Variants in CCSER1 observed in about 807,000 individuals in gnomAD.
CCSER1 encodes the protein coiled-coil serine rich protein 1.
In CCSER1, 41 loss-of-function variants were observed where a neutral mutation model predicts 82.0. The ratio of observed to expected loss-of-function variants is 0.50; its 90% confidence interval spans 0.39 to 0.65. CCSER1 has a LOEUF of 0.65. Among genes scored for constraint, CCSER1 ranks in the 30% least tolerant of loss-of-function variants. The pLI, the probability that CCSER1 is intolerant of heterozygous loss-of-function variation, is 0.00. For synonymous variants in CCSER1, 414 were observed against 383.9 expected (o/e 1.08, Z -0.92); for missense variants, 1,119 against 1,064.2 (o/e 1.05, Z -0.72).
chr4:90,182,234 CT>C (rs1299757291), intron 1 of CCSER1, among the ~76,000 whole-genome samples: 1 of 151,936 alleles, frequency 6.6e-6, no homozygotes, highest in Non-Finnish European at 1.5e-5. Flanking sequence ...ACTTCTTATA[CT>C]TTGGAAAATA....
intron 10 of CCSER1, among the ~76,000 whole-genome samples, chr4:91,494,979 A>G (rs988837796): frequency 1.3e-5 from 2 of 151,696 alleles, no homozygotes; most frequent in African/African-American, 4.8e-5. Context: ...AAATGCCTGT[A>G]CCACATTGCT....
At chr4:90,993,746 A>G (rs1456043656) in intron 9 of CCSER1, among the ~76,000 whole-genome samples, 1 of 152,066 alleles carries the variant, frequency 6.6e-6, no homozygotes, top group Admixed American at 6.6e-5. Flanking sequence ...TTCTGTTATG[A>G]GAACCACACC....
At chr4:90,468,701 G>A (rs1186166123) in intron 5 of CCSER1, 1 of 158,714 alleles carries the variant, frequency 6.3e-6, no homozygotes. Flanking sequence ...AATGAAATCA[G>A]TTTTTAATAT....
intron 7 of CCSER1, among the ~76,000 whole-genome samples, chr4:90,808,283 A>C (rs1757786553): frequency 6.6e-6 from 1 of 152,198 alleles, no homozygotes. Context: ...AAAACCATAA[A>C]AATTATATTA....
At chr4:90,788,872 A>G (rs1325804446) in intron 7 of CCSER1, among the ~76,000 whole-genome samples, 2 of 152,140 alleles carry the variant, frequency 1.3e-5, no homozygotes, top group African/African-American at 4.8e-5. Context: ...CTGCCTAGTT[A>G]TGTACTGAAT....
rs1764873334 is a variant in CCSER1, at chr4:91,603,245, T to C, written c.*4188T>C. The C allele has an allele frequency of 6.6e-6, 1 of 152,122 alleles. No individual in the cohort carries two copies. Among genetic ancestry groups the C allele is most frequent in the South Asian group, 2.1e-4 (1 of 4,832 alleles). The allele number at this position is 152,122 out of a possible 1,614,324, so 9.4% of individuals were successfully genotyped here. A position where few individuals can be genotyped will look rare whatever the true frequency, so the allele number is the denominator to read the frequency against. On this transcript the variant is annotated 3_prime_UTR_variant, in exon 11 of 11. Coordinates refer to ENST00000509176, the MANE Select transcript of CCSER1 (RefSeq NM_001145065.2). ...CTCTCTTCTTTAATAATATTCATCA[T>C]TGCCAAATGTTTATTTTTGAAATTT... is the stretch of plus-strand genomic sequence containing the variant.
At chr4:90,579,933 C>G (rs1309321442) in intron 5 of CCSER1, among the ~76,000 whole-genome samples, 1 of 151,740 alleles carries the variant, frequency 6.6e-6, no homozygotes, top group African/African-American at 2.4e-5. Flanking sequence ...TAGCTATTCT[C>G]TTATCTTTTT....
intron 1 of CCSER1, among the ~76,000 whole-genome samples, chr4:90,188,334 T>C (rs994598202): frequency 1.3e-5 from 2 of 151,972 alleles, no homozygotes; most frequent in Admixed American, 1.3e-4. Flanking sequence ...TGTTTTATTA[T>C]CAGTATATAT....
At chr4:90,817,014 T>C (rs1458006453) in intron 8 of CCSER1, among the ~76,000 whole-genome samples, 2 of 152,206 alleles carry the variant, frequency 1.3e-5, no homozygotes, top group East Asian at 1.9e-4. Flanking sequence ...AAGAATAGTA[T>C]CACAGACAAA....
intron 5 of CCSER1, among the ~76,000 whole-genome samples, chr4:90,603,306 A>G (rs1784252495): frequency 6.6e-6 from 1 of 152,180 alleles, no homozygotes; most frequent in South Asian, 2.1e-4. Context: ...TGGTGGCATA[A>G]AAGTGTTTAA....
intron 1 of CCSER1, among the ~76,000 whole-genome samples, chr4:90,194,914 T>C (rs6818163): frequency 0.61 from 92,830 of 151,904 alleles, 29,719 homozygotes; most frequent in East Asian, 0.83. Context: ...TTGAAGTGTA[T>C]TAAGTTCTGT....
chr4:91,039,707 ATATGAG>A (rs1741788049), intron 9 of CCSER1, among the ~76,000 whole-genome samples: 2 of 123,102 alleles, frequency 1.6e-5, no homozygotes, highest in South Asian at 5.2e-4. Flanking sequence ...ATGTGTATAT[ATATGAG>A]TATCTTTCTG....
intron 8 of CCSER1, among the ~76,000 whole-genome samples, chr4:90,877,232 G>A (rs1462920281): frequency 1.3e-5 from 2 of 152,086 alleles, no homozygotes; most frequent in Non-Finnish European, 2.9e-5. Context: ...CAAGTTTCTA[G>A]GTGCTCAGTT....
rs201766571 is a variant in CCSER1, at chr4:91,075,637, ATTC to A, written c.2173-10307_2173-10305del. Among the ~76,000 whole-genome samples, 703 of 152,284 alleles carry A rather than the reference ATTC, an allele frequency of 4.6e-3. 21 individuals carry two copies. Among genetic ancestry groups the A allele is most frequent in the East Asian group, 0.016 (82 of 5,186 alleles). ...GTCTCAGTGAATAGAACTAAAACAT[ATTC>A]TTCTTTCTGAAGTATTTTAATATGT... On this transcript the variant is annotated intron_variant, in intron 9 of 10. Transcript: ENST00000509176.
intron 5 of CCSER1, among the ~76,000 whole-genome samples, chr4:90,508,602 C>T (rs561887303): frequency 2.6e-5 from 4 of 151,950 alleles, no homozygotes; most frequent in South Asian, 2.1e-4. Flanking sequence ...TCATTAATTC[C>T]GAGCTTTAGT....
chr4:91,393,868 GA>G (rs557222896), intron 10 of CCSER1, among the ~76,000 whole-genome samples: 113 of 152,190 alleles, frequency 7.4e-4, no homozygotes, highest in African/African-American at 2.6e-3. Context: ...AGCTGGTGCT[GA>G]GAGAGAGTCA....
chr4:90,252,140 A>T (rs569934809), intron 1 of CCSER1, among the ~76,000 whole-genome samples: 2 of 151,854 alleles, frequency 1.3e-5, no homozygotes, highest in African/African-American at 4.8e-5. Context: ...GATTTTTTTT[A>T]GAATTTGGAA....
Position 90,308,306 on chromosome 4 carries a change from C to T in CCSER1, c.22C>T (p.Arg8Ter), listed in dbSNP as rs1420074313. The T allele has an allele frequency of 2.5e-6, 4 of 1,588,454 alleles. No homozygotes were observed. Among genetic ancestry groups the T allele is most frequent in the African/African-American group, 2.7e-5 (2 of 74,502 alleles). Residue 8 changes from arginine (R) to a stop codon, truncating the protein, a stop_gained, in exon 2 of 11, where the codon CGA (arginine) becomes TGA (stop). Transcript: ENST00000509176. LOFTEE classifies it high-confidence loss of function. MGDSGSRRSTLVSRLPIF... is the reference protein window; with the variant it reads MGDSGSR ...CCCAATGGGGGACTCAGGATCAAGA[C>T]GATCTACCCTGGTCTCCCGGTTGCC... is the stretch of plus-strand genomic sequence containing the variant.
intron 7 of CCSER1, among the ~76,000 whole-genome samples, chr4:90,752,918 C>T (rs1456110169): frequency 1.3e-5 from 2 of 152,076 alleles, no homozygotes; most frequent in Non-Finnish European, 2.9e-5. Context: ...CTATCCAAGT[C>T]TCCAAATCCC....
Sources: gnomAD v4.1 joint callset for allele counts (sites outside exome capture counted in the v4.1 genomes callset) on GRCh38, gnomAD v4.1.1 for gene constraint, MANE v1.5 for transcripts, NCBI Gene and HGNC (gene_info 2026-07-23, HGNC 2026-07-21) for gene names.